Variants in ROBO2 observed in about 807,000 individuals in gnomAD.
ROBO2 encodes the protein roundabout homolog 2.
A neutral mutation model predicts 160.8 loss-of-function variants in ROBO2; 53 were observed. The observed-to-expected ratio is 0.33, with a 90% confidence interval of 0.26 to 0.41. ROBO2 has a LOEUF of 0.41. ROBO2 is among the 10% of genes least tolerant of loss of function. ROBO2 has a pLI of 1.00. For missense variants in ROBO2, 1,577 were observed against 1,722.4 expected, an observed-to-expected ratio of 0.92 and a Z score of 1.49; for synonymous variants, 664 against 611.7, an observed-to-expected ratio of 1.09 and a Z score of -1.26.
chr3:76,517,511 A>C (rs1328285367), intron 2 of ROBO2, among the ~76,000 whole-genome samples: 4 of 152,162 alleles, frequency 2.6e-5, no homozygotes, highest in African/African-American at 9.7e-5. Context: ...CGTCACATAG[A>C]TGGCAGCAGT....
chr3:76,488,568 T>C (rs1254959457), intron 2 of ROBO2, among the ~76,000 whole-genome samples: 2 of 152,146 alleles, frequency 1.3e-5, no homozygotes, highest in Non-Finnish European at 2.9e-5. Flanking sequence ...TGCCACTGAC[T>C]TCTAGACCCA....
At chr3:76,398,137 A>G (rs1380743165) in intron 2 of ROBO2, among the ~76,000 whole-genome samples, 3 of 151,922 alleles carry the variant, frequency 2.0e-5, no homozygotes, top group African/African-American at 7.3e-5. Flanking sequence ...ATGGAATACT[A>G]TGCAGCCATA....
intron 5 of ROBO2, among the ~76,000 whole-genome samples, chr3:77,503,772 C>T (rs781363954): frequency 6.6e-5 from 10 of 151,446 alleles, no homozygotes; most frequent in Middle Eastern, 6.8e-3. Context: ...TGTAATGGTC[C>T]CTCAGGAAAA....
intron 21 of ROBO2, among the ~76,000 whole-genome samples, chr3:77,616,668 G>T (rs959009181): frequency 1.4e-4 from 21 of 152,040 alleles, no homozygotes; most frequent in African/African-American, 4.3e-4. Context: ...TGTTTAAAAG[G>T]ATGTTATAAT....
intron 2 of ROBO2, among the ~76,000 whole-genome samples, chr3:76,933,977 G>A (rs573589449): frequency 6.6e-6 from 1 of 152,196 alleles, no homozygotes; most frequent in South Asian, 2.1e-4. Context: ...TTTGCATGTT[G>A]AACCACTGTT....
intron 2 of ROBO2, among the ~76,000 whole-genome samples, chr3:76,264,331 GT>G (rs5850243): frequency 3.5e-4 from 51 of 147,066 alleles, no homozygotes; most frequent in African/African-American, 8.2e-4. Flanking sequence ...ATTGTCTCTA[GT>G]TTTTTTTTTT....
intron 2 of ROBO2, among the ~76,000 whole-genome samples, chr3:77,360,258 C>A (rs1053952917): frequency 4.0e-5 from 6 of 150,968 alleles, no homozygotes; most frequent in East Asian, 2.0e-4. Flanking sequence ...TGCAACCCCC[C>A]CCCCAAATTT....
At position 77,315,383 on chromosome 3, in the gene ROBO2, A is replaced by T. The variant is rs566600001; in HGVS notation, c.389-162031A>T. Among the ~76,000 whole-genome samples the T allele has an allele frequency of 2.0e-5, 3 of 152,350 alleles. No homozygotes were observed. The East Asian group carries it at 5.8e-4, about 29-fold the overall frequency. On this transcript the variant is annotated intron_variant, in intron 2 of 25. Coordinates refer to ENST00000461745, the Ensembl canonical transcript of ROBO2. ...TGAGGGTGAATGGTATTGTGTGATG[A>T]ATTCCAACAAGTCTGGGCTTTACTT... is the stretch of plus-strand genomic sequence containing the variant.
intron 2 of ROBO2, among the ~76,000 whole-genome samples, chr3:76,431,942 G>A (rs1312211198): frequency 6.6e-6 from 1 of 152,140 alleles, no homozygotes; most frequent in Non-Finnish European, 1.5e-5. Context: ...ACATTGATCT[G>A]TATAAGAAAT....
At chr3:76,226,025 C>A (rs1320669794) in intron 2 of ROBO2, among the ~76,000 whole-genome samples, 1 of 152,106 alleles carries the variant, frequency 6.6e-6, no homozygotes, top group African/African-American at 2.4e-5. Context: ...AATAACAGTG[C>A]ATTTTTAATT....
intron 2 of ROBO2, among the ~76,000 whole-genome samples, chr3:77,198,740 A>C (rs2082539350): frequency 6.6e-6 from 1 of 152,074 alleles, no homozygotes; most frequent in Non-Finnish European, 1.5e-5. Flanking sequence ...GTCTCTATTA[A>C]AGATACAAAA....
rs76557764 is a variant in ROBO2, at chr3:76,132,402, G to C, written c.109+194800G>C. Among the ~76,000 whole-genome samples, 440 of 62,800 alleles carry C rather than the reference G, an allele frequency of 7.0e-3. 44 individuals are homozygous for C. Among genetic ancestry groups the C allele is most frequent in the African/African-American group, 0.014 (392 of 28,942 alleles). 41.2% of individuals were successfully genotyped at this position (62,800 alleles called of 152,430 possible). On this transcript the variant is annotated intron_variant, in intron 2 of 26. Coordinates refer to the ROBO2 transcript ENST00000487694. ...CCCAAATTCCAGACTGTTGGGGGGG[G>C]GGGGGGACGCAGATGTTCAGCATAA...
chr3:76,958,860 A>G (rs2079460909), intron 2 of ROBO2, among the ~76,000 whole-genome samples: 1 of 152,212 alleles, frequency 6.6e-6, no homozygotes. Flanking sequence ...AGCTGTGGAT[A>G]AGATGCTTAC....
chr3:77,407,006 T>C (rs2076307430), intron 2 of ROBO2, among the ~76,000 whole-genome samples: 1 of 152,162 alleles, frequency 6.6e-6, no homozygotes, highest in African/African-American at 2.4e-5. Context: ...TCTTTTTATA[T>C]ATAGATATAG....
chr3:76,959,061 G>T (rs1034560980), intron 2 of ROBO2, among the ~76,000 whole-genome samples: 2 of 152,136 alleles, frequency 1.3e-5, no homozygotes, highest in East Asian at 3.9e-4. Context: ...CATTTTTCAT[G>T]TTGGAAACAT....
chr3:76,866,925 A>G (rs1389018963), intron 2 of ROBO2, among the ~76,000 whole-genome samples: 1 of 152,142 alleles, frequency 6.6e-6, no homozygotes, highest in East Asian at 1.9e-4. Context: ...TCATTTAATG[A>G]ACTATATGTT....
intron 2 of ROBO2, among the ~76,000 whole-genome samples, chr3:76,512,322 G>GTATATA (rs3043037): frequency 2.2e-4 from 31 of 140,486 alleles, no homozygotes; most frequent in African/African-American, 5.0e-4. Context: ...ATATATATAT[G>GTATATA]TATATATATA....
intron 2 of ROBO2, among the ~76,000 whole-genome samples, chr3:75,967,029 T>G (rs1949140531): frequency 6.6e-6 from 1 of 151,710 alleles, no homozygotes; most frequent in South Asian, 2.1e-4. Flanking sequence ...TTTATTAATA[T>G]GTTTTATTTT....
At chr3:77,067,772 T>C (rs758022593) in intron 1 of ROBO2, among the ~76,000 whole-genome samples, 4 of 152,148 alleles carry the variant, frequency 2.6e-5, no homozygotes, top group Non-Finnish European at 5.9e-5. Context: ...GAGAAAACCA[T>C]GGCTGATGTT....
Sources: gnomAD v4.1 joint callset for allele counts (sites outside exome capture counted in the v4.1 genomes callset) on GRCh38, gnomAD v4.1.1 for gene constraint, MANE v1.5 for transcripts, NCBI Gene and HGNC (gene_info 2026-07-23, HGNC 2026-07-21) for gene names.